The following SLIT3 variants were observed in gnomAD, a reference collection of about 807,000 sequenced individuals.
SLIT3 encodes the protein slit homolog 3 protein.
Under a neutral mutation model 184.0 loss-of-function variants are expected in SLIT3, and 68 were observed. The observed-to-expected ratio is 0.37, with a 90% CI of 0.30 to 0.45. The LOEUF is 0.45. Ranked by LOEUF, SLIT3 falls within the 20% of genes least tolerant of loss-of-function variation. The pLI, the probability that SLIT3 is intolerant of heterozygous loss-of-function variation, is 1.00. For missense variants in SLIT3, 1,707 were observed against 2,026.0 expected (o/e 0.84, Z 3.02); for synonymous variants, 831 against 828.6 (o/e 1.00, Z -0.05).
At chr5:169,058,804 T>C (rs1455991694) in intron 4 of SLIT3, among the ~76,000 whole-genome samples, 1 of 152,234 alleles carries the variant, frequency 6.6e-6, no homozygotes, top group Non-Finnish European at 1.5e-5. Context: ...GAAATCTAAA[T>C]GGAAGGCTGA....
intron 1 of SLIT3, among the ~76,000 whole-genome samples, chr5:169,282,152 C>A (rs1360919667): frequency 2.0e-5 from 3 of 152,218 alleles, no homozygotes; most frequent in Non-Finnish European, 4.4e-5. Context: ...GAGAAGCCGG[C>A]AGGTGGGAGA....
chr5:169,217,823 G>A (rs554464424), intron 3 of SLIT3, among the ~76,000 whole-genome samples: 2 of 152,288 alleles, frequency 1.3e-5, no homozygotes, highest in Admixed American at 6.5e-5. Flanking sequence ...GGTAAAAAAG[G>A]ATCATTGAGA....
chr5:168,725,202 G>T (rs1321975753), intron 20 of SLIT3, among the ~76,000 whole-genome samples: 1 of 152,164 alleles, frequency 6.6e-6, no homozygotes, highest in Admixed American at 6.6e-5. Flanking sequence ...GACATGCAAA[G>T]GCTGAGCTAA....
intron 2 of SLIT3, among the ~76,000 whole-genome samples, chr5:169,246,277 T>C (rs963243859): frequency 1.3e-5 from 2 of 152,204 alleles, no homozygotes; most frequent in African/African-American, 4.8e-5. Context: ...CTCACATTTC[T>C]ATTACTTCTG....
chr5:168,736,228 G>A (rs749261321), intron 20 of SLIT3, among the ~76,000 whole-genome samples: 10 of 152,154 alleles, frequency 6.6e-5, no homozygotes, highest in Admixed American at 2.6e-4. Context: ...CTCAGCTCTC[G>A]GCCTGTGCTC....
chr5:169,084,274 GTTTCTT>G lies in SLIT3; in HGVS notation c.413+109199_413+109204del, dbSNP rs569714116. 7.4e-3 allele frequency among the ~76,000 whole-genome samples: 1,111 copies of G among 150,606 alleles called. 13 individuals carry two copies. Among genetic ancestry groups the G allele is most frequent in the African/African-American group, 0.026 (1,052 of 40,858 alleles). On this transcript the variant is annotated intron_variant, in intron 4 of 35. Transcript: ENST00000519560. ...CATTCCAAAATAGGGAAATAGGGAT[GTTTCTT>G]TTTCTTTTCTTTTTTTTTTTTTTGA...
chr5:169,186,206 G>A lies in SLIT3; in HGVS notation c.413+7273C>T, dbSNP rs894174671. ...ATCAGGTTGTTAAAGTGGCTATCAG[G>A]TTAAAATGAGGCCATTAGGGTGGAT... On this transcript the variant is annotated intron_variant, in intron 4 of 35. Transcript: ENST00000519560. Among the ~76,000 whole-genome samples the A allele has an allele frequency of 3.9e-5, 6 of 152,212 alleles. No homozygotes were observed. The South Asian group carries it at 1.2e-3, about 32-fold the overall frequency.
intron 3 of SLIT3, among the ~76,000 whole-genome samples, chr5:169,202,353 G>C: frequency 6.6e-6 from 1 of 152,210 alleles, no homozygotes; most frequent in Non-Finnish European, 1.5e-5. Context: ...GTTGTGTTAG[G>C]TGTTTTATCT....
At chr5:168,946,751 A>T (rs1054660720) in intron 4 of SLIT3, among the ~76,000 whole-genome samples, 2 of 152,122 alleles carry the variant, frequency 1.3e-5, no homozygotes, top group Admixed American at 6.5e-5. Flanking sequence ...CCCAGCCTTC[A>T]TCCCTCATTC....
intron 6 of SLIT3, among the ~76,000 whole-genome samples, chr5:168,842,190 T>A (rs1394519653): frequency 2.0e-5 from 3 of 152,174 alleles, no homozygotes; most frequent in Non-Finnish European, 4.4e-5. Flanking sequence ...ACCATTAAGA[T>A]GGATGGTTTC....
In SLIT3 at chr5:169,233,111, C is replaced by T. The variant is rs149571604; in HGVS notation, c.341+11594G>A. 8.7e-4 allele frequency among the ~76,000 whole-genome samples: 133 copies of T among 152,218 alleles called. 1 individual carries two copies. In the East Asian group the frequency reaches 0.02, roughly 23 times the overall value. ...CACAATCTTGGCTCACTGCAACTTC[C>T]GCCTCCTGGGTTCAAGCGATTCTCC... On this transcript the variant is annotated intron_variant, in intron 3 of 35. Transcript: ENST00000519560.
chr5:168,945,785 A>G (rs1762456847), intron 4 of SLIT3, among the ~76,000 whole-genome samples: 1 of 152,226 alleles, frequency 6.6e-6, no homozygotes, highest in South Asian at 2.1e-4. Flanking sequence ...CTCTGTGAAG[A>G]GGCAGCCAGC....
intron 1 of SLIT3, among the ~76,000 whole-genome samples, chr5:169,284,827 C>G (rs1295938139): frequency 6.6e-6 from 1 of 152,194 alleles, no homozygotes; most frequent in East Asian, 1.9e-4. Context: ...GTTCTTACAA[C>G]AATCCTTGAG....
chr5:169,125,347 G>A (rs754438119), intron 4 of SLIT3, among the ~76,000 whole-genome samples: 8 of 152,270 alleles, frequency 5.3e-5, no homozygotes, highest in Non-Finnish European at 7.4e-5. Flanking sequence ...GCACCCGGCC[G>A]CAATTAGGTT....
At chr5:169,105,506 C>T (rs959064371) in intron 4 of SLIT3, among the ~76,000 whole-genome samples, 2 of 152,204 alleles carry the variant, frequency 1.3e-5, no homozygotes, top group Admixed American at 1.3e-4. Context: ...TCACGCCAAG[C>T]GTTACCAAGG....
At chr5:169,196,088 T>G (rs1175027429) in intron 3 of SLIT3, among the ~76,000 whole-genome samples, 1 of 152,144 alleles carries the variant, frequency 6.6e-6, no homozygotes, top group Admixed American at 6.5e-5. Context: ...TTCCACTGTC[T>G]GTCTCTGATT....
At chr5:169,087,970 T>C (rs1759377812) in intron 4 of SLIT3, among the ~76,000 whole-genome samples, 1 of 152,224 alleles carries the variant, frequency 6.6e-6, no homozygotes, top group Admixed American at 6.5e-5. Context: ...GTTCTCTTTA[T>C]CCTCCTACCA....
intron 4 of SLIT3, among the ~76,000 whole-genome samples, chr5:169,058,983 G>T (rs1255161084): frequency 6.6e-6 from 1 of 152,210 alleles, no homozygotes; most frequent in Non-Finnish European, 1.5e-5. Flanking sequence ...ACGTTGCAGT[G>T]TCCAAAGCCA....
At chr5:169,145,261 C>T (rs1393973647) in intron 4 of SLIT3, among the ~76,000 whole-genome samples, 1 of 152,094 alleles carries the variant, frequency 6.6e-6, no homozygotes. Flanking sequence ...TTTGGAGCTT[C>T]CTGTCTCCTG....
Sources: gnomAD v4.1 joint callset for allele counts (sites outside exome capture counted in the v4.1 genomes callset) on GRCh38, gnomAD v4.1.1 for gene constraint, MANE v1.5 for transcripts, NCBI Gene and HGNC (gene_info 2026-07-23, HGNC 2026-07-21) for gene names.